The following KLHL40 variants were observed in gnomAD, a reference collection of about 807,000 sequenced individuals.
KLHL40 encodes kelch-like protein 40.
Under a neutral mutation model 49.7 loss-of-function variants are expected in KLHL40, and 44 were observed. The ratio of observed to expected loss-of-function variants is 0.89; its 90% CI spans 0.70 to 1.14. KLHL40 has a LOEUF of 1.14. KLHL40 is among the 50% of genes most tolerant of loss of function. The pLI is 0.00. For synonymous variants in KLHL40, 409 were observed against 365.2 expected, an observed-to-expected ratio of 1.12 and a Z score of -1.37; for missense variants, 892 against 850.3, an observed-to-expected ratio of 1.05 and a Z score of -0.61.
chr3:42,687,078 G>A (rs960789732), intron 1 of KLHL40, among the ~76,000 whole-genome samples: 3 of 152,236 alleles, frequency 2.0e-5, no homozygotes, highest in African/African-American at 7.2e-5. Context: ...CAGCAAGGTC[G>A]GTGTGAGGAT....
chr3:42,692,440 A>T lies in KLHL40; in HGVS notation c.*447A>T. ...TCTGAGCAAGCAGCTCAGGGTCTGC[A>T]TCAGTGCTCCAAGAGTCAGTGAGCA... is the stretch of plus-strand genomic sequence containing the variant. On this transcript the variant is annotated 3_prime_UTR_variant, in exon 6 of 6. Transcript: ENST00000287777. The T allele has an allele frequency of 4.4e-6, 2 of 454,334 alleles. No individual in the cohort carries two copies. The highest frequency in any genetic ancestry group is 5.5e-5 in the South Asian group (2 of 36,684). 28.1% of individuals were successfully genotyped at this position (454,334 alleles called of 1,614,324 possible). A position where few individuals can be genotyped will look rare whatever the true frequency, so the allele number is the denominator to read the frequency against.
intron 4 of KLHL40, among the ~76,000 whole-genome samples, chr3:42,690,310 C>T (rs1393643027): frequency 6.6e-6 from 1 of 152,216 alleles, no homozygotes; most frequent in African/African-American, 2.4e-5. Context: ...GTCACGTCAG[C>T]AGGGCTGTGT....
rs753241580 is a variant in KLHL40, at chr3:42,686,600, G to T, written c.982G>T (p.Ala328Ser). 8 of 1,614,096 alleles carry T rather than the reference G, an allele frequency of 5.0e-6. No individual in the cohort carries two copies. The South Asian group carries it at 5.5e-5, about 11-fold the overall frequency. ...DLIFMISEEG[A>S]VAYDPAANEC... Reference sequence around the variant, plus strand: ...CATCTTCATGATCAGTGAGGAGGGCGCTGTGGCCTACGATCCAGCAGCCAA... The same window carrying T: ...CATCTTCATGATCAGTGAGGAGGGCTCTGTGGCCTACGATCCAGCAGCCAA... The change falls in exon 1 of 6, where the codon GCT becomes TCT. Residue 328 changes from alanine (A) to serine (S), a missense_variant. By Grantham distance (99) the Ala-to-Ser change is moderately conservative. Transcript: ENST00000287777.
Position 42,686,123 on chromosome 3 carries a change from T to C in KLHL40, c.505T>C (p.Phe169Leu), listed in dbSNP as rs1331727520. 3 of 1,599,366 alleles carry C rather than the reference T, an allele frequency of 1.9e-6. No homozygotes were observed. Among genetic ancestry groups the C allele is most frequent in the African/African-American group, 2.7e-5 (2 of 75,024 alleles). ...CACGCTGGTGGCGCGCGACGCTGAC[T>C]TCCTCGGACTCTCGGCCGACGAGCT... ...HFTLVARDAD[F>L]LGLSADELIA... Residue 169 changes from phenylalanine (F) to leucine (L), a missense_variant, in exon 1 of 6, where the codon TTC (phenylalanine) becomes CTC (leucine). Physicochemically the swap from Phe to Leu is conservative, Grantham distance 22. Transcript: ENST00000287777.
At chr3:42,687,728 G>A (rs1001389596) in intron 1 of KLHL40, among the ~76,000 whole-genome samples, 5 of 149,470 alleles carry the variant, frequency 3.3e-5, no homozygotes, top group African/African-American at 1.3e-4. Context: ...GGTGGACAAG[G>A]CTGTGGACTG....
At chr3:42,689,078 C>T (rs1395508240) in intron 4 of KLHL40, 24 bp downstream of exon 4, 15 of 1,590,446 alleles carry the variant, frequency 9.4e-6, no homozygotes, top group Admixed American at 1.7e-5. Flanking sequence ...TCCCTTCCGC[C>T]AAGGACAACT....
rs371586836 is a variant in KLHL40, at chr3:42,688,151, C to T, written c.1162C>T (p.Leu388=). ...MSAYFLQFDH[L]DSEWLGMPPL... ...GACACCTGGCCTGCAGTTTGACCAT[C>T]TGGACTCAGAGTGGCTGGGGATGCC... Residue 388 remains leucine, a synonymous_variant, in exon 2 of 6, where the codon CTG becomes TTG. Coordinates refer to ENST00000287777, the MANE Select transcript of KLHL40 (RefSeq NM_152393.4). This position sits in a 1 kb window ranked among gnomAD's most constrained non-coding sequence, Gnocchi z 4.2. 23 of 1,613,848 alleles carry T rather than the reference C, an allele frequency of 1.4e-5. No individual in the cohort carries two copies. The African/African-American group carries it at 2.8e-4, about 20-fold the overall frequency.
At position 42,686,159 on chromosome 3, in the gene KLHL40, ATC is replaced by A. The variant is rs1384412486; in HGVS notation, c.544_545del (p.Ser182GlnfsTer5). 3.1e-6 allele frequency: 5 copies of A among 1,593,478 alleles called. No homozygotes were observed. Among genetic ancestry groups the A allele is most frequent in the Non-Finnish European group, 4.3e-6 (5 of 1,174,732 alleles). ...CTCGGCCGACGAGCTCATCGCCATC[ATC>A]TCCAGCGACGGCCTTAACGTGGAGA... ...GLSADELIAI[I>X]SSDGLNVEKE... is the part of the protein sequence containing the mutation. On this transcript the variant is annotated frameshift_variant, in exon 1 of 6. Coordinates refer to ENST00000287777, the MANE Select transcript of KLHL40 (RefSeq NM_152393.4). LOFTEE classifies it high-confidence loss of function.
At position 42,686,683 on chromosome 3, in the gene KLHL40, TACCAAGGAGA is replaced by T; in HGVS notation, c.1070_1079del (p.Lys357ArgfsTer19). 1 of 1,613,824 alleles carries T rather than the reference TACCAAGGAGA, an allele frequency of 6.2e-7. No individual in the cohort carries two copies. Among genetic ancestry groups the T allele is most frequent in the Non-Finnish European group, 8.5e-7 (1 of 1,180,012 alleles). On this transcript the variant is annotated frameshift_variant, in exon 1 of 6. Transcript: ENST00000287777. LOFTEE classifies it high-confidence loss of function. ...TCCCCAAGAACCACGTCAGCCTGGT[TACCAAGGAGA>T]ACCAGGTCTTCGTGGCTGGAGGCCT... is the stretch of plus-strand genomic sequence containing the variant.
chr3:42,689,352 C>G (rs1009547687), intron 4 of KLHL40, among the ~76,000 whole-genome samples: 3 of 152,136 alleles, frequency 2.0e-5, no homozygotes, highest in African/African-American at 7.2e-5. Context: ...AAGACAGAAG[C>G]TGCCCTGCCT....
Position 42,686,312 on chromosome 3 carries a change from G to C in KLHL40, c.694G>C (p.Ala232Pro). The change falls in exon 1 of 6, where the codon GCC (alanine) becomes CCC (proline). Residue 232 changes from alanine to proline, a missense_variant. By Grantham distance (27) the Ala-to-Pro change is conservative. Coordinates refer to ENST00000287777, the MANE Select transcript of KLHL40 (RefSeq NM_152393.4). ...CGTGCGCTGCCGCTTGCTGCCGCGC[G>C]CCTTTCTGGAAAGCCGCGTGGAGCG... Reference protein sequence around the residue: ...ESVRCRLLPRAFLESRVERHP... With the variant: ...ESVRCRLLPRPFLESRVERHP... The C allele has an allele frequency of 6.2e-7, 1 of 1,601,980 alleles. No individual in the cohort carries two copies. Among genetic ancestry groups the C allele is most frequent in the Non-Finnish European group, 8.5e-7 (1 of 1,174,316 alleles).
At chr3:42,687,642 CA>C (rs903942647) in intron 1 of KLHL40, among the ~76,000 whole-genome samples, 42 of 152,158 alleles carry the variant, frequency 2.8e-4, no homozygotes, top group African/African-American at 9.9e-4. Context: ...TGCTCATCAG[CA>C]AGGTGCTCAG....
Position 42,688,908 on chromosome 3 carries a change from G to A in KLHL40, c.1461G>A (p.Lys487=). The change falls in exon 4 of 6, where the codon AAG becomes AAA. Residue 487 remains lysine (K), a synonymous_variant. Transcript: ENST00000287777. This position sits in a 1 kb window ranked among gnomAD's most constrained non-coding sequence, Gnocchi z 4.2. ...LNKMCVYDPK[K]FEWKELAPMQ... ...AGATGTGCGTCTATGACCCCAAGAAGTTTGAGTGGAAGGAGCTGGCACCCA... is the reference window on the plus strand; with the variant it reads ...AGATGTGCGTCTATGACCCCAAGAAATTTGAGTGGAAGGAGCTGGCACCCA... 2 of 1,614,174 alleles carry A rather than the reference G, an allele frequency of 1.2e-6. No homozygotes were observed. Among genetic ancestry groups the A allele is most frequent in the African/African-American group, 1.3e-5 (1 of 75,038 alleles).
chr3:42,687,097 G>T (rs1262134286), intron 1 of KLHL40, among the ~76,000 whole-genome samples: 2 of 152,244 alleles, frequency 1.3e-5, no homozygotes, highest in Admixed American at 6.5e-5. Context: ...ATCCTGGGCA[G>T]GGCCTCTGCG....
At position 42,692,117 on chromosome 3, in the gene KLHL40, C is replaced by T. The variant is rs1697380609; in HGVS notation, c.*124C>T. On this transcript the variant is annotated 3_prime_UTR_variant, in exon 6 of 6. Transcript: ENST00000287777. ...GTCTACCTGGATCCAGTTATGGTGC[C>T]TCAGGGGCTGCGTCAGCCAAGGAAA... is the stretch of plus-strand genomic sequence containing the variant. The T allele has an allele frequency of 1.5e-6, 1 of 662,832 alleles. No individual in the cohort carries two copies. Among genetic ancestry groups the T allele is most frequent in the African/African-American group, 1.8e-5 (1 of 55,732 alleles). 41.1% of individuals were successfully genotyped at this position (662,832 alleles called of 1,614,324 possible).
chr3:42,689,147 C>A, intron 4 of KLHL40, 93 bp downstream of exon 4: 1 of 1,106,380 alleles, frequency 9.0e-7, no homozygotes, highest in Non-Finnish European at 1.3e-6. Flanking sequence ...CTTGGGTCTC[C>A]AGTGTTGACT....
rs138228796 is a variant in KLHL40, at chr3:42,686,512, C to A, written c.894C>A (p.Ala298=). 3 of 1,614,136 alleles carry A rather than the reference C, an allele frequency of 1.9e-6. No individual in the cohort carries two copies. The highest frequency in any genetic ancestry group is 4.5e-5 in the East Asian group (2 of 44,874). Residue 298 remains alanine (A), a synonymous_variant, in exon 1 of 6, where the codon GCC becomes GCA. Transcript: ENST00000287777. ...SKAKAEEDEE[A]ERILPGILND... ...CCAAAGCAGAGGAGGATGAGGAGGC[C>A]GAACGTATCCTTCCTGGGATCCTCA...
At chr3:42,691,377 C>G (rs1022819633) in intron 5 of KLHL40, among the ~76,000 whole-genome samples, 1 of 152,124 alleles carries the variant, frequency 6.6e-6, no homozygotes, top group African/African-American at 2.4e-5. Flanking sequence ...GGCTGGGAAA[C>G]AGTTGGAGCC....
At chr3:42,691,054 A>AC (rs1167076326) in intron 5 of KLHL40, 49 bp downstream of exon 5, 2 of 1,538,128 alleles carry the variant, frequency 1.3e-6, no homozygotes, top group Admixed American at 3.8e-5. Context: ...CAAGGCTGAC[A>AC]CCCCATAGCA....
Sources: allele counts gnomAD v4.1 joint callset (sites outside exome capture counted in the v4.1 genomes callset), GRCh38; gene constraint gnomAD v4.1.1; non-coding constraint Gnocchi (gnomAD v3.1); transcripts MANE v1.5; gene names NCBI Gene and HGNC (gene_info 2026-07-23, HGNC 2026-07-21).